Variants in KDM4B observed in about 807,000 individuals in gnomAD.
KDM4B encodes the protein lysine-specific demethylase 4B.
Under a neutral mutation model 125.2 loss-of-function variants are expected in KDM4B, and 32 were observed. The ratio of observed to expected loss-of-function variants is 0.26; its 90% CI spans 0.19 to 0.34. The LOEUF (loss-of-function observed/expected upper bound fraction) is 0.34, where lower values mean the gene tolerates loss of function less well. KDM4B is among the 10% of genes least tolerant of loss of function. The pLI, the probability that KDM4B is intolerant of heterozygous loss-of-function variation, is 1.00. For missense variants in KDM4B, 1,190 were observed against 1,577.7 expected (o/e 0.75, Z 4.16); for synonymous variants, 721 against 677.9 (o/e 1.06, Z -0.99).
chr19:5,065,276 C>T (rs1432257697), intron 6 of KDM4B, among the ~76,000 whole-genome samples: 1 of 152,232 alleles, frequency 6.6e-6, no homozygotes, highest in African/African-American at 2.4e-5. Flanking sequence ...ACCCCAAGCC[C>T]GTCTGCTCAC....
intron 1 of KDM4B, among the ~76,000 whole-genome samples, chr19:5,013,193 G>A (rs1253242976): frequency 6.6e-6 from 1 of 152,222 alleles, no homozygotes. Flanking sequence ...TGGCTTCCAT[G>A]CCTTCTTGAC....
intron 21 of KDM4B, among the ~76,000 whole-genome samples, chr19:5,147,711 C>A (rs1323406607): frequency 6.7e-6 from 1 of 148,892 alleles, no homozygotes; most frequent in Admixed American, 6.7e-5. Context: ...CCACTGCACT[C>A]CAACCCGGGT....
chr19:5,064,992 A>AC (rs1315565288), intron 6 of KDM4B, among the ~76,000 whole-genome samples: 8 of 151,818 alleles, frequency 5.3e-5, no homozygotes, highest in Non-Finnish European at 8.8e-5. Context: ...AGGATATTGG[A>AC]CCCCCACCTC....
chr19:4,994,084 C>G (rs1377183661), intron 1 of KDM4B, among the ~76,000 whole-genome samples: 1 of 143,860 alleles, frequency 7.0e-6, no homozygotes, highest in Non-Finnish European at 1.5e-5. Context: ...GTTTCGACCT[C>G]CCGGCATGCA....
chr19:4,996,439 A>G (rs1271307898), intron 1 of KDM4B, among the ~76,000 whole-genome samples: 2 of 152,054 alleles, frequency 1.3e-5, no homozygotes, highest in Non-Finnish European at 2.9e-5. Flanking sequence ...CAGTGGCATG[A>G]TCACAGCTCC....
chr19:5,029,481 T>C (rs565135285), intron 2 of KDM4B, among the ~76,000 whole-genome samples: 2 of 152,372 alleles, frequency 1.3e-5, no homozygotes, highest in African/African-American at 4.8e-5. Flanking sequence ...GTGGGGATTG[T>C]GGACCATTTT....
chr19:5,058,428 C>T (rs565895734), intron 6 of KDM4B, among the ~76,000 whole-genome samples: 12 of 152,190 alleles, frequency 7.9e-5, no homozygotes, highest in Admixed American at 7.8e-4. Flanking sequence ...GGAGGGGAGC[C>T]CGGTGAGGGG....
At chr19:5,008,656 T>C (rs1271277481) in intron 1 of KDM4B, among the ~76,000 whole-genome samples, 1 of 148,436 alleles carries the variant, frequency 6.7e-6, no homozygotes, top group Non-Finnish European at 1.5e-5. Context: ...AGTGCCACAA[T>C]CTCAATTCAC....
chr19:5,049,543 G>T (rs1052469400), intron 6 of KDM4B, among the ~76,000 whole-genome samples: 1 of 151,890 alleles, frequency 6.6e-6, no homozygotes, highest in Non-Finnish European at 1.5e-5. Flanking sequence ...CACAGTGTAG[G>T]CTCTAGCTGC....
rs543106713 is a variant in KDM4B at position 4,990,243 on chromosome 19, T to G, written c.-109+21013T>G. Among the ~76,000 whole-genome samples the G allele has an allele frequency of 7.9e-4, 121 of 152,260 alleles. 2 individuals are homozygous for G. Among genetic ancestry groups the G allele is most frequent in the African/African-American group, 2.9e-3 (119 of 41,546 alleles). Reference sequence around the variant, plus strand: ...AGGTTGAGGCTGCAGTGAGCCACGATTGCACCAGTGTGCTCCAGCCTGGGC... The same window carrying G: ...AGGTTGAGGCTGCAGTGAGCCACGAGTGCACCAGTGTGCTCCAGCCTGGGC... On this transcript the variant is annotated intron_variant, in intron 1 of 22. Transcript: ENST00000159111.
intron 9 of KDM4B, among the ~76,000 whole-genome samples, chr19:5,090,589 C>G (rs1166173655): frequency 1.7e-5 from 1 of 57,398 alleles, no homozygotes; most frequent in Non-Finnish European, 3.7e-5. Context: ...CCCTCTCCCC[C>G]CTCCCTCTCT....
In KDM4B at chr19:5,131,511, G is replaced by A. The variant is rs749926178; in HGVS notation, c.1751G>A (p.Arg584His). 5.7e-6 allele frequency: 9 copies of A among 1,580,806 alleles called. No homozygotes were observed. The highest frequency in any genetic ancestry group is 7.7e-6 in the Non-Finnish European group (9 of 1,174,720). ...EDGAASSGAG[R>H]METKARAGEG... Reference sequence around the variant, plus strand: ...GGTGCAGCCAGCAGTGGGGCAGGTCGCATGGAGACCAAAGCCCGGGCCGGA... The same window carrying A: ...GGTGCAGCCAGCAGTGGGGCAGGTCACATGGAGACCAAAGCCCGGGCCGGA... Residue 584 changes from arginine to histidine, a missense_variant, in exon 12 of 23, where the codon CGC becomes CAC. Arg to His is a conservative substitution (Grantham distance 29). This residue lies in a region of KDM4B where 428 missense variants were observed against 405.1 expected (regional missense o/e 1.06). Coordinates refer to ENST00000159111, the MANE Select transcript of KDM4B (RefSeq NM_015015.3).
rs1422163106 is a variant in KDM4B, at chr19:5,081,169, G to A, written c.781-1198G>A. Among the ~76,000 whole-genome samples the A allele has an allele frequency of 1.3e-5, 2 of 152,206 alleles. No individual in the cohort carries two copies. The highest frequency in any genetic ancestry group is 2.9e-5 in the Non-Finnish European group (2 of 68,042). On this transcript the variant is annotated intron_variant, in intron 8 of 22. Coordinates refer to ENST00000159111, the MANE Select transcript of KDM4B (RefSeq NM_015015.3). The surrounding 1 kb of genome is among the most constrained non-coding windows in gnomAD (Gnocchi z 4.2). ...GTTTTACTGGATGTTAAATAAAGAT[G>A]AGGAGCCCACTTGACTTCAAGGATT...
At position 5,043,713 on chromosome 19, in the gene KDM4B, C is replaced by T. The variant is rs148137335; in HGVS notation, c.432+2462C>T. Among the ~76,000 whole-genome samples, 110 of 146,638 alleles carry T rather than the reference C, an allele frequency of 7.5e-4. 3 individuals carry two copies. Among genetic ancestry groups the T allele is most frequent in the African/African-American group, 2.7e-3 (102 of 38,360 alleles). Reference sequence around the variant, plus strand: ...GTGGTGTTTATCGGAGTGCAGTGTCCGCCATATCCTGCGTGGTGTTTATCG... The same window carrying T: ...GTGGTGTTTATCGGAGTGCAGTGTCTGCCATATCCTGCGTGGTGTTTATCG... On this transcript the variant is annotated intron_variant, in intron 5 of 22. Coordinates refer to ENST00000159111, the MANE Select transcript of KDM4B (RefSeq NM_015015.3).
At chr19:5,088,655 G>GCCCCCCCCCCCCC (rs139891662) in intron 9 of KDM4B, among the ~76,000 whole-genome samples, 2 of 98,038 alleles carry the variant, frequency 2.0e-5, no homozygotes, top group African/African-American at 3.6e-5. Flanking sequence ...GACAGGCCAG[G>GCCCCCCCCCCCCC]CCCCCCCCCT....
intron 1 of KDM4B, among the ~76,000 whole-genome samples, chr19:4,980,352 C>T (rs1282409561): frequency 6.6e-6 from 1 of 151,722 alleles, no homozygotes; most frequent in Non-Finnish European, 1.5e-5. Context: ...TCTGGCTTCT[C>T]TCAGTGGGCG....
At chr19:5,059,535 G>A (rs2037517168) in intron 6 of KDM4B, among the ~76,000 whole-genome samples, 1 of 152,254 alleles carries the variant, frequency 6.6e-6, no homozygotes, top group Non-Finnish European at 1.5e-5. Flanking sequence ...GCATCCTGCG[G>A]CCTCTGCCCG....
intron 1 of KDM4B, among the ~76,000 whole-genome samples, chr19:4,979,841 G>A (rs542090137): frequency 1.3e-5 from 2 of 152,312 alleles, no homozygotes; most frequent in South Asian, 2.1e-4. Flanking sequence ...AGCGGCTCAT[G>A]CCTGCAATCC....
chr19:5,070,860 G>C, intron 6 of KDM4B, 150 bp from the exon 7 acceptor site: 1 of 630,784 alleles, frequency 1.6e-6, no homozygotes, highest in Non-Finnish European at 2.6e-6. Flanking sequence ...CCCCACCCCC[G>C]GCCATCCCCT....
Sources: gnomAD v4.1 joint callset for allele counts (sites outside exome capture counted in the v4.1 genomes callset) on GRCh38, gnomAD v4.1.1 for gene constraint, gnomAD v4.1.1 regional missense constraint, Gnocchi (gnomAD v3.1) non-coding constraint, MANE v1.5 for transcripts, NCBI Gene and HGNC (gene_info 2026-07-23, HGNC 2026-07-21) for gene names.